SCAI: variants seen among roughly 807,000 people sequenced by gnomAD.
SCAI encodes protein SCAI.
SCAI carries 24 observed loss-of-function variants against 92.2 expected under a neutral mutation model. The ratio of observed to expected loss-of-function variants is 0.26; its 90% CI spans 0.19 to 0.37. The LOEUF is 0.37. SCAI is among the 10% of genes least tolerant of loss of function. The pLI is 1.00. For missense variants in SCAI, 450 were observed against 736.2 expected (o/e 0.61, Z 4.50); for synonymous variants, 261 against 258.6 (o/e 1.01, Z -0.09).
chr9:125,026,394 A>AG (rs1236081786), intron 6 of SCAI, among the ~76,000 whole-genome samples: 2 of 136,576 alleles, frequency 1.5e-5, no homozygotes, highest in Admixed American at 7.7e-5. Flanking sequence ...AAAAAAAAAA[A>AG]AGAGAGAGAA....
chr9:125,087,901 G>C (rs888323568), intron 2 of SCAI, among the ~76,000 whole-genome samples: 5 of 152,142 alleles, frequency 3.3e-5, no homozygotes, highest in Admixed American at 1.3e-4. Context: ...GGTTAGGTGA[G>C]TGTGGATATA....
intron 14 of SCAI, among the ~76,000 whole-genome samples, chr9:124,985,867 A>T (rs796573993): frequency 8.1e-5 from 11 of 135,024 alleles, no homozygotes; most frequent in South Asian, 2.3e-4. Flanking sequence ...CTGTCTCAAT[A>T]AAAAAAAAAA....
intron 9 of SCAI, among the ~76,000 whole-genome samples, chr9:125,016,958 G>A (rs1832772277): frequency 6.6e-6 from 1 of 152,096 alleles, no homozygotes; most frequent in African/African-American, 2.4e-5. Context: ...TATTTTAACA[G>A]ATGTTTAAAG....
chr9:124,960,754 G>T (rs1831420678), intron 17 of SCAI, among the ~76,000 whole-genome samples: 1 of 152,326 alleles, frequency 6.6e-6, no homozygotes, highest in Middle Eastern at 3.4e-3. Flanking sequence ...TTACACAGAT[G>T]TATTTCCTCA....
At chr9:125,105,271 G>A (rs1834753732) in intron 2 of SCAI, among the ~76,000 whole-genome samples, 1 of 152,170 alleles carries the variant, frequency 6.6e-6, no homozygotes, top group African/African-American at 2.4e-5. Flanking sequence ...ATTCCAGCCT[G>A]GGTGACAGAG....
chr9:125,008,538 TAAGA>T (rs1832564059), intron 9 of SCAI, among the ~76,000 whole-genome samples: 1 of 152,054 alleles, frequency 6.6e-6, no homozygotes, highest in Non-Finnish European at 1.5e-5. Flanking sequence ...AATCCAGAGC[TAAGA>T]AAGACAATAT....
intron 13 of SCAI, 106 bp from the exon 14 acceptor site, chr9:124,995,121 A>C: frequency 1.4e-6 from 1 of 712,564 alleles, no homozygotes; most frequent in Non-Finnish European, 2.3e-6. Flanking sequence ...TAGCACTGAG[A>C]GAAAAACAAA....
At chr9:125,139,820 C>A (rs1835623331) in intron 2 of SCAI, among the ~76,000 whole-genome samples, 1 of 152,148 alleles carries the variant, frequency 6.6e-6, no homozygotes, top group South Asian at 2.1e-4. Flanking sequence ...AAGAGTCTGG[C>A]AGTGGGGTAA....
At chr9:125,126,388 T>TGG (rs10562845) in intron 2 of SCAI, among the ~76,000 whole-genome samples, 2 of 141,754 alleles carry the variant, frequency 1.4e-5, no homozygotes, top group Non-Finnish European at 1.6e-5. Context: ...CAAAGTGAGT[T>TGG]GGGGGTGTGT....
chr9:125,110,896 C>T (rs1446022369), intron 2 of SCAI, among the ~76,000 whole-genome samples: 1 of 152,200 alleles, frequency 6.6e-6, no homozygotes, highest in African/African-American at 2.4e-5. Context: ...TCCCCAGAAG[C>T]AGATGCTGCC....
Position 124,945,867 on chromosome 9 carries a change from T to C in SCAI, c.*6940A>G, listed in dbSNP as rs1009936866. 7.9e-5 allele frequency: 12 copies of C among 152,212 alleles called. No homozygotes were observed. The highest frequency in any genetic ancestry group is 2.9e-4 in the African/African-American group (12 of 41,448). The allele number at this position is 152,212 out of a possible 1,614,324, so 9.4% of individuals were successfully genotyped here. On this transcript the variant is annotated 3_prime_UTR_variant, in exon 18 of 18. Coordinates refer to ENST00000336505, the MANE Select transcript of SCAI (RefSeq NM_001144877.3). The stretch of plus-strand genomic sequence containing the variant: ...TAGTTTGAGGAAGATGAATCACTTT[T>C]TTTTTTAAGTGGTCCCATTATCCAG...
intron 2 of SCAI, among the ~76,000 whole-genome samples, chr9:125,060,604 G>A (rs923717314): frequency 6.6e-6 from 1 of 152,084 alleles, no homozygotes; most frequent in African/African-American, 2.4e-5. Flanking sequence ...TTGAATCATG[G>A]GGCCATCTTT....
At chr9:124,994,310 C>T (rs75857152) in intron 14 of SCAI, among the ~76,000 whole-genome samples, 7,325 of 152,268 alleles carry the variant, frequency 0.048, 464 homozygotes, top group East Asian at 0.23. Flanking sequence ...GTTGGGATTA[C>T]AGGCGTGAGC....
intron 2 of SCAI, among the ~76,000 whole-genome samples, chr9:125,070,829 G>T (rs750072967): frequency 5.3e-5 from 8 of 152,160 alleles, no homozygotes; most frequent in Non-Finnish European, 1.0e-4. Flanking sequence ...AAGAGTTCAA[G>T]ACTAGCTTGG....
At position 124,996,850 on chromosome 9, in the gene SCAI, G is replaced by A. The variant is rs577736093; in HGVS notation, c.1245-1835C>T. Reference sequence around the variant, plus strand: ...TTCACCATGTTGCCAGGCTGTTTTCGAACTCCTGACCTCAAGTGATCCGCC... The same window carrying A: ...TTCACCATGTTGCCAGGCTGTTTTCAAACTCCTGACCTCAAGTGATCCGCC... On this transcript the variant is annotated intron_variant, in intron 13 of 17. Transcript: ENST00000336505. 7.2e-5 allele frequency among the ~76,000 whole-genome samples: 11 copies of A among 152,028 alleles called. No homozygotes were observed. In the South Asian group the frequency reaches 1.5e-3, roughly 20 times the overall value.
At chr9:125,039,935 C>G (rs1459222621) in intron 3 of SCAI, among the ~76,000 whole-genome samples, 1 of 152,124 alleles carries the variant, frequency 6.6e-6, no homozygotes, top group East Asian at 1.9e-4. Context: ...TGTTTCTTTC[C>G]TTTTCAATTA....
At chr9:125,010,170 G>A (rs576434128) in intron 9 of SCAI, among the ~76,000 whole-genome samples, 5 of 152,288 alleles carry the variant, frequency 3.3e-5, no homozygotes, top group Admixed American at 6.5e-5. Flanking sequence ...TAGGGAGCAC[G>A]CAGTGGGCGC....
intron 17 of SCAI, among the ~76,000 whole-genome samples, chr9:124,961,262 C>A (rs111380895): frequency 6.7e-6 from 1 of 150,306 alleles, no homozygotes; most frequent in South Asian, 2.1e-4. Context: ...AGGAAGATCT[C>A]ATCTCATTAA....
Position 125,001,980 on chromosome 9 carries a change from G to A in SCAI, c.1129C>T (p.Arg377Cys), listed in dbSNP as rs760144612. Reference protein sequence around the residue: ...LSATGVFPTGRSDSEGPYDFG... With the variant: ...LSATGVFPTGCSDSEGPYDFG... ...TTTATTGTACCTTCACTATCAGAAC[G>A]ACCTGTGGGGAAAACGCCAGTGGCC... The change falls in exon 12 of 18, where the codon CGT becomes TGT. Residue 377 changes from arginine (R) to cysteine (C), a missense_variant. Arg to Cys is a radical substitution (Grantham distance 180, BLOSUM62 -3). Coordinates refer to ENST00000336505, the MANE Select transcript of SCAI (RefSeq NM_001144877.3). 6.8e-6 allele frequency: 11 copies of A among 1,612,242 alleles called. No individual in the cohort carries two copies. Among genetic ancestry groups the A allele is most frequent in the East Asian group, 4.5e-5 (2 of 44,864 alleles).
Sources: gnomAD v4.1 joint callset for allele counts (sites outside exome capture counted in the v4.1 genomes callset) on GRCh38, gnomAD v4.1.1 for gene constraint, MANE v1.5 for transcripts, NCBI Gene and HGNC (gene_info 2026-07-23, HGNC 2026-07-21) for gene names.